MACROD1: variants seen among roughly 807,000 people sequenced by gnomAD.
The protein encoded by MACROD1 is mono-ADP ribosylhydrolase 1.
Under a neutral mutation model 41.4 loss-of-function variants are expected in MACROD1, and 31 were observed. That is an observed-to-expected ratio of 0.75 (90% CI 0.56 to 1.01). The LOEUF (loss-of-function observed/expected upper bound fraction) is 1.01, where lower values mean the gene tolerates loss of function less well. Ranked by LOEUF, MACROD1 falls within the 50% of genes least tolerant of loss-of-function variation. The probability of loss-of-function intolerance (pLI) is 0.00; values close to 1 mark genes in which losing one functional copy is unlikely to be tolerated. For missense variants in MACROD1, 473 were observed against 460.0 expected (o/e 1.03, Z -0.26); for synonymous variants, 252 against 203.4 (o/e 1.24, Z -2.03).
At chr11:64,086,648 C>T (rs1334799582) in intron 3 of MACROD1, among the ~76,000 whole-genome samples, 2 of 152,296 alleles carry the variant, frequency 1.3e-5, no homozygotes, top group East Asian at 1.9e-4. Flanking sequence ...GTCTGAGACT[C>T]CTATTCATGC....
chr11:64,031,910 G>A (rs982454611), intron 3 of MACROD1, among the ~76,000 whole-genome samples: 8 of 152,334 alleles, frequency 5.3e-5, no homozygotes, highest in Non-Finnish European at 8.8e-5. Flanking sequence ...CTGGGGCCCC[G>A]AGCTAGGAGT....
Position 64,116,415 on chromosome 11 carries a change from G to A in MACROD1, c.517+34824C>T, listed in dbSNP as rs961710281. 4 of 1,613,778 alleles carry A rather than the reference G, an allele frequency of 2.5e-6. No homozygotes were observed. In the African/African-American group the frequency reaches 4.0e-5, roughly 16 times the overall value. ...CATCGCCTTCCTGACGGAGGTCATC[G>A]ACAGCACCACCTGCCCCTCGGTGTG... On this transcript the variant is annotated intron_variant, in intron 3 of 10. Transcript: ENST00000255681.
intron 3 of MACROD1, among the ~76,000 whole-genome samples, chr11:64,054,884 AC>A (rs1943755984): frequency 6.7e-6 from 1 of 148,548 alleles, no homozygotes; most frequent in African/African-American, 2.5e-5. Flanking sequence ...CGTGACAAAT[AC>A]CCCCACTACT....
At chr11:64,070,793 G>A (rs1350856464) in intron 3 of MACROD1, among the ~76,000 whole-genome samples, 1 of 152,210 alleles carries the variant, frequency 6.6e-6, no homozygotes, top group Non-Finnish European at 1.5e-5. Context: ...AATAACTGGT[G>A]GGAGACGAGG....
At chr11:64,091,409 G>A (rs1045884157) in intron 3 of MACROD1, among the ~76,000 whole-genome samples, 5 of 151,872 alleles carry the variant, frequency 3.3e-5, no homozygotes, top group African/African-American at 4.8e-5. Context: ...GTTGGGGGGC[G>A]GGTGGCACCA....
At position 64,079,542 on chromosome 11, in the gene MACROD1, G is replaced by A. The variant is rs529103678; in HGVS notation, c.518-64261C>T. On this transcript the variant is annotated intron_variant, in intron 3 of 10. Transcript: ENST00000255681. ...CCAGCAAATGCAAAGGCTTGGAGGTGAGAGAGACCGCAGCCGCCACGGGCA... is the reference window on the plus strand; with the variant it reads ...CCAGCAAATGCAAAGGCTTGGAGGTAAGAGAGACCGCAGCCGCCACGGGCA... 1.8e-4 allele frequency among the ~76,000 whole-genome samples: 27 copies of A among 152,306 alleles called. No homozygotes were observed. In the South Asian group the frequency reaches 5.4e-3, roughly 30 times the overall value.
At chr11:64,045,699 A>G (rs1363161894) in intron 3 of MACROD1, among the ~76,000 whole-genome samples, 1 of 152,222 alleles carries the variant, frequency 6.6e-6, no homozygotes, top group African/African-American at 2.4e-5. Flanking sequence ...CTGGCCAGCC[A>G]TGTGGTTGCA....
At chr11:64,058,248 G>A (rs564138590) in intron 3 of MACROD1, among the ~76,000 whole-genome samples, 1 of 152,372 alleles carries the variant, frequency 6.6e-6, no homozygotes, top group African/African-American at 2.4e-5. Context: ...ACCTGCTCCT[G>A]CCCCGAGGGT....
chr11:64,155,936 C>T (rs377252345), intron 1 of MACROD1, among the ~76,000 whole-genome samples: 3 of 152,108 alleles, frequency 2.0e-5, no homozygotes, highest in African/African-American at 7.2e-5. Flanking sequence ...TGGTGAAACC[C>T]CATCTCTACT....
intron 1 of MACROD1, among the ~76,000 whole-genome samples, chr11:64,163,735 T>C (rs1367590043): frequency 4.6e-5 from 7 of 152,356 alleles, no homozygotes; most frequent in Non-Finnish European, 7.3e-5. Context: ...CTTCTCTCAG[T>C]TTCCTGACCC....
rs112252577 is a variant in MACROD1 at position 64,068,349 on chromosome 11, G to A, written c.518-53068C>T. On this transcript the variant is annotated intron_variant, in intron 3 of 10. Coordinates refer to ENST00000255681, the MANE Select transcript of MACROD1 (RefSeq NM_014067.4). ...CTTTGGGGACAGTGATGCCTACCAGGCCCTGGCAGGCTCAGGCCCAGCTGC... is the reference window on the plus strand; with the variant it reads ...CTTTGGGGACAGTGATGCCTACCAGACCCTGGCAGGCTCAGGCCCAGCTGC... 6.1e-3 allele frequency among the ~76,000 whole-genome samples: 925 copies of A among 152,324 alleles called. 4 individuals are homozygous for A. The highest frequency in any genetic ancestry group is 0.014 in the Middle Eastern group (4 of 294).
At chr11:64,058,735 C>T (rs1397218959) in intron 3 of MACROD1, among the ~76,000 whole-genome samples, 1 of 152,276 alleles carries the variant, frequency 6.6e-6, no homozygotes. Context: ...ACCTCGCCTC[C>T]TGCTTGCCAG....
chr11:64,151,164 C>A, intron 3 of MACROD1, 75 bp downstream of exon 3: 1 of 1,326,360 alleles, frequency 7.5e-7, no homozygotes, highest in Non-Finnish European at 1.1e-6. Flanking sequence ...TGGCGTCCAC[C>A]CAGGCCTGGC....
intron 3 of MACROD1, among the ~76,000 whole-genome samples, chr11:64,113,736 T>TGATG (rs747928879): frequency 2.1e-5 from 3 of 142,240 alleles, no homozygotes; most frequent in Admixed American, 7.0e-5. Context: ...GATACATGGA[T>TGATG]GATGGATGGA....
chr11:64,023,853 T>G (rs1943191235), intron 3 of MACROD1, among the ~76,000 whole-genome samples: 1 of 152,132 alleles, frequency 6.6e-6, no homozygotes, highest in Non-Finnish European at 1.5e-5. Context: ...CCTCTCCCCA[T>G]AAAAGCCTCA....
At chr11:64,160,746 T>C (rs1945741057) in intron 1 of MACROD1, among the ~76,000 whole-genome samples, 2 of 147,928 alleles carry the variant, frequency 1.4e-5, no homozygotes, top group South Asian at 4.3e-4. Context: ...AGCCCAGAAG[T>C]TGGAGGCTGC....
At chr11:64,085,466 G>C (rs1490361168) in intron 3 of MACROD1, among the ~76,000 whole-genome samples, 2 of 152,256 alleles carry the variant, frequency 1.3e-5, no homozygotes, top group Non-Finnish European at 2.9e-5. Context: ...GCCGGGACCA[G>C]GCCATGTGTC....
chr11:64,088,376 C>T (rs958776288), intron 3 of MACROD1, among the ~76,000 whole-genome samples: 1 of 152,132 alleles, frequency 6.6e-6, no homozygotes, highest in African/African-American at 2.4e-5. Flanking sequence ...GCGTGACTGT[C>T]TGCGGGCCTC....
intron 3 of MACROD1, among the ~76,000 whole-genome samples, chr11:64,024,015 C>T (rs1299463829): frequency 6.6e-6 from 1 of 152,108 alleles, no homozygotes; most frequent in Non-Finnish European, 1.5e-5. Context: ...AAGCTGTCCC[C>T]TAAACCCCTG....
Sources: gnomAD v4.1 joint callset for allele counts (sites outside exome capture counted in the v4.1 genomes callset) on GRCh38, gnomAD v4.1.1 for gene constraint, MANE v1.5 for transcripts, NCBI Gene and HGNC (gene_info 2026-07-23, HGNC 2026-07-21) for gene names.